Variants in WWOX observed in about 807,000 individuals in gnomAD.
The protein encoded by WWOX is WW domain-containing oxidoreductase.
WWOX carries 69 observed loss-of-function variants against 46.2 expected under a neutral mutation model. The ratio of observed to expected loss-of-function variants is 1.49; its 90% CI spans 1.23 to 1.82. The LOEUF is 1.82. Among genes scored for constraint, WWOX ranks in the 40% most tolerant of loss-of-function variants. The pLI, the probability that WWOX is intolerant of heterozygous loss-of-function variation, is 0.00. For synonymous variants in WWOX, 359 were observed against 202.6 expected (o/e 1.77, Z -6.56); for missense variants, 919 against 542.6 (o/e 1.69, Z -6.89).
Position 79,033,268 on chromosome 16 carries a change from C to T in WWOX, c.1057-178340C>T, listed in dbSNP as rs973731720. Among the ~76,000 whole-genome samples the T allele has an allele frequency of 2.3e-4, 33 of 146,132 alleles. 1 individual carries two copies. Among genetic ancestry groups the T allele is most frequent in the Non-Finnish European group, 4.2e-4 (28 of 66,862 alleles). On this transcript the variant is annotated intron_variant, in intron 8 of 8. Coordinates refer to ENST00000566780, the MANE Select transcript of WWOX (RefSeq NM_016373.4). ...AAAACTGTTTTCCTTTGTTATTGCCCCCACCAAATATTTATATATATATAC... is the reference window on the plus strand; with the variant it reads ...AAAACTGTTTTCCTTTGTTATTGCCTCCACCAAATATTTATATATATATAC...
chr16:78,445,597 C>A (rs2083541071), intron 8 of WWOX, among the ~76,000 whole-genome samples: 1 of 152,152 alleles, frequency 6.6e-6, no homozygotes, highest in Non-Finnish European at 1.5e-5. Context: ...ATATGATCAC[C>A]TTCGGTTAGT....
At chr16:79,155,990 C>T (rs1179314174) in intron 8 of WWOX, among the ~76,000 whole-genome samples, 1 of 151,914 alleles carries the variant, frequency 6.6e-6, no homozygotes, top group Admixed American at 6.6e-5. Context: ...ACTCATAACT[C>T]ACTTAGTCAT....
intron 5 of WWOX, among the ~76,000 whole-genome samples, chr16:78,183,338 A>G (rs2035592618): frequency 6.6e-6 from 1 of 152,220 alleles, no homozygotes; most frequent in Admixed American, 6.5e-5. Context: ...GCAAGAGCAG[A>G]TACAATGCCT....
Position 78,458,198 on chromosome 16 carries a change from T to A in WWOX, c.1056+25446T>A, listed in dbSNP as rs117228294. Among the ~76,000 whole-genome samples, 600 of 152,194 alleles carry A rather than the reference T, an allele frequency of 3.9e-3. 5 individuals carry two copies. The highest frequency in any genetic ancestry group is 7.1e-3 in the Non-Finnish European group (485 of 68,016). ...TGTCGAACTTGCCCTACATACTGTT[T>A]TATTATATATTCTGCCCACTTCTAT... On this transcript the variant is annotated intron_variant, in intron 8 of 8. Transcript: ENST00000566780.
Position 79,070,084 on chromosome 16 carries a change from C to T in WWOX, c.1057-141524C>T, listed in dbSNP as rs370130202. Among the ~76,000 whole-genome samples the T allele has an allele frequency of 1.6e-4, 25 of 152,310 alleles. No homozygotes were observed. The South Asian group carries it at 5.2e-3, about 32-fold the overall frequency. On this transcript the variant is annotated intron_variant, in intron 8 of 8. Transcript: ENST00000566780. The stretch of plus-strand genomic sequence containing the variant: ...CTAATATAGTTTGATAGTTCCTCCT[C>T]AAGACTTATCATTCAAAGATTGGGC...
rs951864902 is a variant in WWOX at position 78,620,441 on chromosome 16, A to G, written c.1056+187689A>G. On this transcript the variant is annotated intron_variant, in intron 8 of 8. Transcript: ENST00000566780. ...AAAAACCATGGTGCTTGGGACATTC[A>G]AGGCCGAAACTTGGTCCCTGGATGG... Among the ~76,000 whole-genome samples, 57 of 152,282 alleles carry G rather than the reference A, an allele frequency of 3.7e-4. 1 individual carries two copies. The highest frequency in any genetic ancestry group is 1.3e-3 in the African/African-American group (56 of 41,578).
At chr16:78,902,951 C>T (rs1340724853) in intron 8 of WWOX, among the ~76,000 whole-genome samples, 1 of 152,196 alleles carries the variant, frequency 6.6e-6, no homozygotes, top group African/African-American at 2.4e-5. Flanking sequence ...AGTCGAGGAT[C>T]CACATTCCTG....
intron 6 of WWOX, among the ~76,000 whole-genome samples, chr16:78,404,264 A>G (rs756207204): frequency 2.0e-4 from 30 of 152,264 alleles, no homozygotes; most frequent in Middle Eastern, 3.4e-3. Context: ...GGGAGATTTC[A>G]CCAGTGGTAT....
intron 5 of WWOX, among the ~76,000 whole-genome samples, chr16:78,246,731 G>C (rs79990426): frequency 6.6e-6 from 1 of 152,126 alleles, no homozygotes; most frequent in African/African-American, 2.4e-5. Context: ...AGTTCCCCCC[G>C]ACCATCAGTC....
Position 78,424,780 on chromosome 16 carries a change from T to C in WWOX, c.606-90T>C, listed in dbSNP as rs2083036338. On this transcript the variant is annotated intron_variant, in intron 6 of 8. Transcript: ENST00000566780. ...GGATTATCCTTGGTTGTAGTGTTTA[T>C]GTCCACATCACGTGGATTCCCGAAG... The C allele has an allele frequency of 2.1e-6, 3 of 1,406,992 alleles. No individual in the cohort carries two copies. In the East Asian group the frequency reaches 6.8e-5, roughly 32 times the overall value. 87.2% of individuals were successfully genotyped at this position (1,406,992 alleles called of 1,614,324 possible).
intron 8 of WWOX, among the ~76,000 whole-genome samples, chr16:78,871,809 G>A (rs1449148431): frequency 6.6e-6 from 1 of 152,106 alleles, no homozygotes; most frequent in African/African-American, 2.4e-5. Flanking sequence ...CACCATATTG[G>A]CCAGGCTGGT....
chr16:79,207,032 T>C (rs905819489), intron 8 of WWOX, among the ~76,000 whole-genome samples: 7 of 152,314 alleles, frequency 4.6e-5, no homozygotes, highest in African/African-American at 4.8e-5. Context: ...GGAGATGACC[T>C]CTGCACTGTT....
At chr16:78,440,010 A>C (rs546126631) in intron 8 of WWOX, among the ~76,000 whole-genome samples, 3 of 152,152 alleles carry the variant, frequency 2.0e-5, no homozygotes, top group Non-Finnish European at 4.4e-5. Context: ...ACTGGTTGGG[A>C]CTGAGTCATC....
At chr16:79,003,091 A>C (rs758997885) in intron 8 of WWOX, among the ~76,000 whole-genome samples, 4 of 152,202 alleles carry the variant, frequency 2.6e-5, no homozygotes, top group African/African-American at 9.6e-5. Context: ...TTCCCCCTGA[A>C]AAACCTCCTT....
rs539504477 is a variant in WWOX, at chr16:78,877,878, C to G, written c.1057-333730C>G. On this transcript the variant is annotated intron_variant, in intron 8 of 8. Coordinates refer to ENST00000566780, the MANE Select transcript of WWOX (RefSeq NM_016373.4). ...ACATTTTATAGCTAAGCCCAGCAGC[C>G]CAAAAAGCTAAATGACTTCAGCGCC... Among the ~76,000 whole-genome samples, 5 of 152,208 alleles carry G rather than the reference C, an allele frequency of 3.3e-5. No homozygotes were observed. The South Asian group carries it at 1.0e-3, about 32-fold the overall frequency.
At chr16:79,181,048 C>G (rs934183244) in intron 8 of WWOX, among the ~76,000 whole-genome samples, 4 of 152,102 alleles carry the variant, frequency 2.6e-5, no homozygotes, top group Non-Finnish European at 4.4e-5. Flanking sequence ...TTAAATAAGT[C>G]AAACAATATG....
chr16:78,676,842 T>C (rs1394926693), intron 8 of WWOX, among the ~76,000 whole-genome samples: 1 of 152,204 alleles, frequency 6.6e-6, no homozygotes, highest in African/African-American at 2.4e-5. Context: ...AAAAATAATA[T>C]TTTCTTAAAG....
intron 8 of WWOX, among the ~76,000 whole-genome samples, chr16:78,521,774 A>T (rs1403666292): frequency 7.2e-6 from 1 of 139,558 alleles, no homozygotes; most frequent in African/African-American, 2.9e-5. Context: ...ACACTTTAAC[A>T]CATAACTTGT....
chr16:79,194,732 G>A (rs1055799460), intron 8 of WWOX, among the ~76,000 whole-genome samples: 1 of 152,002 alleles, frequency 6.6e-6, no homozygotes, highest in African/African-American at 2.4e-5. Context: ...GCTTTCCATC[G>A]TCCAAAATTT....
Sources: allele counts gnomAD v4.1 joint callset (sites outside exome capture counted in the v4.1 genomes callset), GRCh38; gene constraint gnomAD v4.1.1; transcripts MANE v1.5; gene names NCBI Gene and HGNC (gene_info 2026-07-23, HGNC 2026-07-21).